Variants in CAMSAP1 observed in about 807,000 individuals in gnomAD.
CAMSAP1 encodes calmodulin-regulated spectrin-associated protein 1.
CAMSAP1 carries 58 observed loss-of-function variants against 143.5 expected under a neutral mutation model. That is an observed-to-expected ratio of 0.40 (90% CI 0.33 to 0.50). CAMSAP1 has a LOEUF of 0.50. Among genes scored for constraint, CAMSAP1 ranks in the 20% least tolerant of loss-of-function variants. The pLI is 0.45. For synonymous variants in CAMSAP1, 945 were observed against 859.3 expected (o/e 1.10, Z -1.74); for missense variants, 1,969 against 2,115.7 (o/e 0.93, Z 1.36).
intron 7 of CAMSAP1, among the ~76,000 whole-genome samples, chr9:135,843,162 T>TA (rs1184296072): frequency 6.6e-6 from 1 of 151,948 alleles, no homozygotes; most frequent in East Asian, 1.9e-4. Context: ...ACCCCGTCTC[T>TA]ACTAAAAATA....
Position 135,823,048 on chromosome 9 carries a change from T to C in CAMSAP1, c.1613A>G (p.Glu538Gly), listed in dbSNP as rs1835542298. ...SLLSNVSIED[E>G]EEELVAIVRA... ...AACAATAGCCACAAGCTCCTCTTCC[T>C]CATCCTCAATACTGACATTGCTCAG... The change falls in exon 11 of 17, where the codon GAG becomes GGG. Residue 538 changes from glutamate to glycine, a missense_variant. Physicochemically the swap from Glu to Gly is moderately conservative, Grantham distance 98. This residue lies in a region of CAMSAP1 where 1,390 missense variants were observed against 1,420.8 expected (regional missense o/e 0.98). Transcript: ENST00000389532. 2 of 1,614,022 alleles carry C rather than the reference T, an allele frequency of 1.2e-6. No individual in the cohort carries two copies. Among genetic ancestry groups the C allele is most frequent in the Non-Finnish European group, 1.7e-6 (2 of 1,179,896 alleles).
Position 135,824,031 on chromosome 9 carries a change from T to C in CAMSAP1, c.1319A>G (p.Gln440Arg), listed in dbSNP as rs906448469. 18 of 1,579,000 alleles carry C rather than the reference T, an allele frequency of 1.1e-5. No homozygotes were observed. The highest frequency in any genetic ancestry group is 5.4e-5 in the African/African-American group (4 of 74,196). The change falls in exon 10 of 17, where the codon CAG (glutamine) becomes CGG (arginine). Residue 440 changes from glutamine to arginine, a missense_variant. Around this residue, in one of 4 missense-constraint regions of CAMSAP1, gnomAD observed 1,390 missense variants for 1,420.8 expected, o/e 0.98. Transcript: ENST00000389532. This position sits in a 1 kb window ranked among gnomAD's most constrained non-coding sequence, Gnocchi z 4.1. ...KSIQGEDIPD[Q>R]RHRSNSLTRV... ...GGTCAAAGAATTCGATCGATGTCGCTGATCTGCAGTACAGAGGAATTAGAT... is the reference window on the plus strand; with the variant it reads ...GGTCAAAGAATTCGATCGATGTCGCCGATCTGCAGTACAGAGGAATTAGAT...
At chr9:135,827,774 T>G (rs1835729737) in intron 7 of CAMSAP1, among the ~76,000 whole-genome samples, 190 bp from the exon 8 acceptor site, 1 of 152,116 alleles carries the variant, frequency 6.6e-6, no homozygotes, top group Non-Finnish European at 1.5e-5. Flanking sequence ...CCGAAGTAAA[T>G]ACTAACATTA....
chr9:135,864,289 T>C (rs1297599426), intron 4 of CAMSAP1, among the ~76,000 whole-genome samples: 2 of 152,200 alleles, frequency 1.3e-5, no homozygotes, highest in South Asian at 2.1e-4. Context: ...AGCTCTTCAG[T>C]CTTCAGGATT....
At chr9:135,897,739 AG>A (rs1838498888) in intron 1 of CAMSAP1, among the ~76,000 whole-genome samples, 1 of 152,184 alleles carries the variant, frequency 6.6e-6, no homozygotes, top group Admixed American at 6.5e-5. Context: ...CAAAGGGATA[AG>A]TCACGTACCA....
chr9:135,820,758 A>C lies in CAMSAP1; in HGVS notation c.3822+81T>G. ...CAGGAGCGGCTGGCCAGCCTGGTGC[A>C]GATCTGTGTTCTCTAACTCACTATC... On this transcript the variant is annotated intron_variant, in intron 11 of 16. Transcript: ENST00000389532. The surrounding 1 kb of genome is among the most constrained non-coding windows in gnomAD (Gnocchi z 4.4). The C allele has an allele frequency of 6.5e-7, 1 of 1,530,520 alleles. No homozygotes were observed. The highest frequency in any genetic ancestry group is 8.8e-7 in the Non-Finnish European group (1 of 1,137,136). 94.8% of individuals were successfully genotyped at this position (1,530,520 alleles called of 1,614,324 possible).
At position 135,881,626 on chromosome 9, in the gene CAMSAP1, C is replaced by T. The variant is rs1488038290; in HGVS notation, c.585+7G>A. On this transcript the variant is annotated splice_region_variant and intron_variant, in intron 3 of 16. Coordinates refer to ENST00000389532, the MANE Select transcript of CAMSAP1 (RefSeq NM_015447.4). ...AGTCACACACCACATCTAGGCAGGG[C>T]ACTCACCTTGTTGATCCAGAACACC... is the stretch of plus-strand genomic sequence containing the variant. 2.6e-6 allele frequency: 4 copies of T among 1,551,500 alleles called. No homozygotes were observed. In the Admixed American group the frequency reaches 7.8e-5, roughly 30 times the overall value.
chr9:135,831,729 A>G (rs780391184), intron 7 of CAMSAP1, among the ~76,000 whole-genome samples: 10 of 152,170 alleles, frequency 6.6e-5, no homozygotes, highest in Non-Finnish European at 1.3e-4. Flanking sequence ...TAATGAAGAA[A>G]AAGACTCAAA....
intron 3 of CAMSAP1, among the ~76,000 whole-genome samples, chr9:135,871,505 AAT>A (rs1837569842): frequency 6.6e-6 from 1 of 152,220 alleles, no homozygotes; most frequent in African/African-American, 2.4e-5. Flanking sequence ...TGTTTTGAAA[AAT>A]AGTCATTTTT....
chr9:135,888,537 G>C (rs961483757), intron 1 of CAMSAP1, among the ~76,000 whole-genome samples: 1 of 152,182 alleles, frequency 6.6e-6, no homozygotes, highest in African/African-American at 2.4e-5. Flanking sequence ...AGACGTGCAG[G>C]ACAGTGAGTC....
chr9:135,870,820 T>A (rs12348011), intron 3 of CAMSAP1, among the ~76,000 whole-genome samples: 51,830 of 152,016 alleles, frequency 0.34, 10,235 homozygotes, highest in African/African-American at 0.55. Flanking sequence ...TAAAAAAATT[T>A]AAAAATCCAC....
intron 1 of CAMSAP1, among the ~76,000 whole-genome samples, chr9:135,899,618 G>C (rs777878065): frequency 2.0e-5 from 3 of 151,998 alleles, no homozygotes; most frequent in East Asian, 3.9e-4. Context: ...AGCATTCTGC[G>C]CTCTGGCCTC....
chr9:135,838,509 C>T (rs565387509), intron 7 of CAMSAP1, among the ~76,000 whole-genome samples: 30 of 145,852 alleles, frequency 2.1e-4, no homozygotes, highest in African/African-American at 6.2e-4. Context: ...TACAGACACA[C>T]GTCATCACGC....
In CAMSAP1 at chr9:135,865,199, A is replaced by G. The variant is rs1032772736; in HGVS notation, c.666+1257T>C. Reference sequence around the variant, plus strand: ...TCAGGCCAATTCTTGTACTATATAAATAACTCCAAGGTGGGACATTTAAAC... The same window carrying G: ...TCAGGCCAATTCTTGTACTATATAAGTAACTCCAAGGTGGGACATTTAAAC... On this transcript the variant is annotated intron_variant, in intron 4 of 16. Coordinates refer to ENST00000389532, the MANE Select transcript of CAMSAP1 (RefSeq NM_015447.4). 2.0e-5 allele frequency: 17 copies of G among 847,460 alleles called. No homozygotes were observed. The Admixed American group carries it at 2.0e-4, about 10-fold the overall frequency. 52.5% of individuals were successfully genotyped at this position (847,460 alleles called of 1,614,324 possible). A position where few individuals can be genotyped will look rare whatever the true frequency, so the allele number is the denominator to read the frequency against.
chr9:135,857,984 C>A (rs919677423), intron 5 of CAMSAP1, among the ~76,000 whole-genome samples: 1 of 152,150 alleles, frequency 6.6e-6, no homozygotes, highest in Admixed American at 6.5e-5. Context: ...AGAAAGGCAT[C>A]AGAAGCAAAG....
At chr9:135,833,590 G>C (rs1835924302) in intron 7 of CAMSAP1, among the ~76,000 whole-genome samples, 1 of 152,144 alleles carries the variant, frequency 6.6e-6, no homozygotes. Flanking sequence ...AAATGTTGTT[G>C]GGAAAACTGG....
chr9:135,886,892 T>C (rs1240891742), intron 1 of CAMSAP1, among the ~76,000 whole-genome samples: 40 of 152,154 alleles, frequency 2.6e-4, no homozygotes, highest in Non-Finnish European at 1.5e-5. Context: ...AAACTTATAA[T>C]TCCTGCCAGC....
intron 5 of CAMSAP1, among the ~76,000 whole-genome samples, chr9:135,859,751 A>G (rs1485838038): frequency 2.6e-5 from 4 of 152,124 alleles, no homozygotes; most frequent in Non-Finnish European, 4.4e-5. Flanking sequence ...ATGAGCTTCA[A>G]TACAGTCACA....
At position 135,811,621 on chromosome 9, in the gene CAMSAP1, G is replaced by C. The variant is rs1472328087; in HGVS notation, c.4507-10C>G. The C allele has an allele frequency of 1.9e-6, 3 of 1,571,828 alleles. No individual in the cohort carries two copies. Among genetic ancestry groups the C allele is most frequent in the Non-Finnish European group, 2.6e-6 (3 of 1,157,860 alleles). On this transcript the variant is annotated splice_polypyrimidine_tract_variant and intron_variant, in intron 16 of 16. Transcript: ENST00000389532. The surrounding 1 kb of genome is among the most constrained non-coding windows in gnomAD (Gnocchi z 4.9). Reference sequence around the variant, plus strand: ...CACACTTCTCCAGCTCCTGTGCAGAGAGAGAAAAGGGGAAGAGACAAACAC... The same window carrying C: ...CACACTTCTCCAGCTCCTGTGCAGACAGAGAAAAGGGGAAGAGACAAACAC...
Sources: gnomAD v4.1 joint callset for allele counts (sites outside exome capture counted in the v4.1 genomes callset) on GRCh38, gnomAD v4.1.1 for gene constraint, gnomAD v4.1.1 regional missense constraint, Gnocchi (gnomAD v3.1) non-coding constraint, MANE v1.5 for transcripts, NCBI Gene and HGNC (gene_info 2026-07-23, HGNC 2026-07-21) for gene names.